Variants in ATRNL1 observed in about 807,000 individuals in gnomAD.
ATRNL1 encodes attractin like 1.
A neutral mutation model predicts 182.7 loss-of-function variants in ATRNL1; 95 were observed. The observed-to-expected ratio is 0.52, with a 90% confidence interval of 0.44 to 0.62. ATRNL1 has a LOEUF of 0.62. Ranked by LOEUF, ATRNL1 falls within the 20% of genes least tolerant of loss-of-function variation. The probability of loss-of-function intolerance (pLI) is 0.00; values close to 1 mark genes in which losing one functional copy is unlikely to be tolerated. For missense variants in ATRNL1, 1,471 were observed against 1,679.5 expected (o/e 0.88, Z 2.17); for synonymous variants, 576 against 568.3 (o/e 1.01, Z -0.19).
intron 21 of ATRNL1, among the ~76,000 whole-genome samples, chr10:115,455,499 A>G (rs1321885296): frequency 2.0e-5 from 3 of 152,286 alleles, no homozygotes; most frequent in South Asian, 2.1e-4. Context: ...GAAGGATTAA[A>G]TATTTAAAGT....
intron 26 of ATRNL1, among the ~76,000 whole-genome samples, chr10:115,587,326 G>A (rs553926861): frequency 1.5e-4 from 23 of 152,264 alleles, no homozygotes; most frequent in Admixed American, 3.3e-4. Flanking sequence ...ACCTGACCAA[G>A]CCTTGGCAAT....
chr10:115,890,753 G>T (rs1412210054), intron 28 of ATRNL1, among the ~76,000 whole-genome samples: 2 of 152,152 alleles, frequency 1.3e-5, no homozygotes, highest in Non-Finnish European at 2.9e-5. Context: ...CATATGCAGA[G>T]ATATTTTATC....
chr10:115,736,105 C>T (rs1007388777), intron 27 of ATRNL1, among the ~76,000 whole-genome samples: 2 of 152,046 alleles, frequency 1.3e-5, no homozygotes, highest in African/African-American at 4.8e-5. Context: ...GTTATTGAGT[C>T]ATTATCCCAT....
Position 115,188,859 on chromosome 10 carries a change from AGG to A in ATRNL1, c.1348+17568_1348+17569del, listed in dbSNP as rs1554889285. On this transcript the variant is annotated intron_variant, in intron 8 of 28. Transcript: ENST00000355044. ...GTGGTGGGAATTAGGGATTTTTAAT[AGG>A]AGAAATCTCCAGTTTAGAAACAATT... 3.6e-3 allele frequency among the ~76,000 whole-genome samples: 552 copies of A among 152,298 alleles called. 2 individuals carry two copies. Among genetic ancestry groups the A allele is most frequent in the African/African-American group, 0.013 (533 of 41,596 alleles).
intron 17 of ATRNL1, 60 bp downstream of exon 17, chr10:115,302,103 A>G: frequency 7.2e-7 from 1 of 1,381,464 alleles, no homozygotes; most frequent in Non-Finnish European, 9.8e-7. Context: ...CTTTTCTGTG[A>G]TGTAAAGAAG....
chr10:115,249,862 T>C (rs1223537016), intron 10 of ATRNL1, among the ~76,000 whole-genome samples: 1 of 152,244 alleles, frequency 6.6e-6, no homozygotes, highest in Non-Finnish European at 1.5e-5. Flanking sequence ...AAATATATTT[T>C]CTTCTTGGCA....
At chr10:115,373,716 C>T (rs941112319) in intron 19 of ATRNL1, among the ~76,000 whole-genome samples, 43 of 151,778 alleles carry the variant, frequency 2.8e-4, no homozygotes, top group African/African-American at 9.4e-4. Context: ...CTTACTTGAT[C>T]TTGATGAATG....
At chr10:115,152,574 G>C (rs1414695558) in intron 5 of ATRNL1, among the ~76,000 whole-genome samples, 1 of 152,116 alleles carries the variant, frequency 6.6e-6, no homozygotes, top group African/African-American at 2.4e-5. Flanking sequence ...TGTATCCTGA[G>C]ACTTTGCTGA....
intron 8 of ATRNL1, among the ~76,000 whole-genome samples, chr10:115,182,461 T>C (rs545472305): frequency 2.0e-4 from 31 of 151,660 alleles, no homozygotes; most frequent in African/African-American, 7.5e-4. Flanking sequence ...TTATAATACA[T>C]ACACACAGTA....
At chr10:115,876,637 G>A (rs1035349306) in intron 28 of ATRNL1, among the ~76,000 whole-genome samples, 3 of 152,108 alleles carry the variant, frequency 2.0e-5, no homozygotes, top group Admixed American at 2.0e-4. Context: ...TTCAGTGTGT[G>A]CTCAATTAAG....
At chr10:115,886,004 G>GT (rs1951936112) in intron 28 of ATRNL1, among the ~76,000 whole-genome samples, 1 of 152,156 alleles carries the variant, frequency 6.6e-6, no homozygotes, top group Admixed American at 6.5e-5. Flanking sequence ...GCCTGCGTTT[G>GT]CATCTGTATT....
At chr10:115,510,758 A>G (rs1850347227) in intron 24 of ATRNL1, among the ~76,000 whole-genome samples, 1 of 152,024 alleles carries the variant, frequency 6.6e-6, no homozygotes, top group South Asian at 2.1e-4. Flanking sequence ...ATTAGCAGAG[A>G]AAGAAGCAAG....
At chr10:115,850,307 A>G (rs1482496869) in intron 28 of ATRNL1, among the ~76,000 whole-genome samples, 1 of 152,200 alleles carries the variant, frequency 6.6e-6, no homozygotes, top group Non-Finnish European at 1.5e-5. Context: ...AATAAAACAA[A>G]ATGTCTTGAT....
At chr10:115,893,976 A>G (rs908122830) in intron 28 of ATRNL1, among the ~76,000 whole-genome samples, 8 of 152,138 alleles carry the variant, frequency 5.3e-5, no homozygotes, top group African/African-American at 1.7e-4. Flanking sequence ...AAAAAAAAAA[A>G]TCTTAGGAAA....
chr10:115,130,862 G>C (rs1240656461), intron 5 of ATRNL1, among the ~76,000 whole-genome samples: 1 of 152,010 alleles, frequency 6.6e-6, no homozygotes, highest in Admixed American at 6.6e-5. Context: ...ATTGCTATTA[G>C]TCTCCACCTC....
At chr10:115,506,755 A>T (rs2133655999) in intron 24 of ATRNL1, among the ~76,000 whole-genome samples, 1 of 152,122 alleles carries the variant, frequency 6.6e-6, no homozygotes, top group East Asian at 1.9e-4. Flanking sequence ...ACCTCAGCAA[A>T]TTGTCCTATT....
chr10:115,539,605 A>AT (rs1554991343), intron 25 of ATRNL1, among the ~76,000 whole-genome samples: 9 of 152,188 alleles, frequency 5.9e-5, no homozygotes. Context: ...CATGATGTGG[A>AT]AAAGGGAACT....
chr10:115,145,287 T>C (rs1256242498), intron 5 of ATRNL1, among the ~76,000 whole-genome samples: 2 of 152,282 alleles, frequency 1.3e-5, no homozygotes, highest in East Asian at 3.9e-4. Context: ...GTCATCACTT[T>C]GCAATATTTT....
intron 27 of ATRNL1, among the ~76,000 whole-genome samples, chr10:115,746,258 A>T (rs1378896042): frequency 1.3e-5 from 2 of 152,112 alleles, no homozygotes; most frequent in Non-Finnish European, 2.9e-5. Flanking sequence ...TTTTTGATTT[A>T]TCATATTAGT....
Sources: allele counts gnomAD v4.1 joint callset (sites outside exome capture counted in the v4.1 genomes callset), GRCh38; gene constraint gnomAD v4.1.1; transcripts MANE v1.5; gene names NCBI Gene and HGNC (gene_info 2026-07-23, HGNC 2026-07-21).